Variants in METTL24 observed in about 807,000 individuals in gnomAD.
The protein encoded by METTL24 is probable methyltransferase-like protein 24.
Under a neutral mutation model 32.7 loss-of-function variants are expected in METTL24, and 29 were observed. The observed-to-expected ratio is 0.89, with a 90% CI of 0.66 to 1.21. The LOEUF (loss-of-function observed/expected upper bound fraction) is 1.21, where lower values mean the gene tolerates loss of function less well. Ranked by LOEUF, METTL24 falls within the 50% of genes most tolerant of loss-of-function variation. METTL24 has a pLI of 0.00. For synonymous variants in METTL24, 163 were observed against 179.5 expected, an observed-to-expected ratio of 0.91 and a Z score of 0.73; for missense variants, 439 against 468.1, an observed-to-expected ratio of 0.94 and a Z score of 0.57.
chr6:110,302,454 T>TAC (rs550865266), intron 3 of METTL24, among the ~76,000 whole-genome samples: 941 of 79,564 alleles, frequency 0.012, 76 homozygotes, highest in East Asian at 0.071. Flanking sequence ...TATACACATA[T>TAC]ACACACATAT....
chr6:110,305,159 C>T (rs1771605519), intron 3 of METTL24, among the ~76,000 whole-genome samples: 2 of 152,070 alleles, frequency 1.3e-5, no homozygotes, highest in South Asian at 4.1e-4. Flanking sequence ...CTAAAGGAAG[C>T]ATTAATTAAA....
intron 4 of METTL24, among the ~76,000 whole-genome samples, chr6:110,254,536 A>G (rs917137002): frequency 1.3e-5 from 2 of 152,144 alleles, no homozygotes; most frequent in Non-Finnish European, 2.9e-5. Context: ...GGAGGCTGAG[A>G]CAGGAAAATC....
intron 4 of METTL24, among the ~76,000 whole-genome samples, chr6:110,266,117 C>G (rs990378043): frequency 7.2e-5 from 11 of 151,950 alleles, no homozygotes; most frequent in African/African-American, 2.7e-4. Flanking sequence ...ATTACCCAAG[C>G]TGGTCTTGAA....
intron 4 of METTL24, among the ~76,000 whole-genome samples, chr6:110,262,136 T>C (rs535978892): frequency 9.3e-4 from 141 of 151,926 alleles, no homozygotes; most frequent in African/African-American, 3.3e-3. Flanking sequence ...CTGAAGGAGA[T>C]AGAGATACAA....
intron 4 of METTL24, among the ~76,000 whole-genome samples, chr6:110,260,405 A>C (rs941638286): frequency 6.6e-6 from 1 of 152,214 alleles, no homozygotes; most frequent in Non-Finnish European, 1.5e-5. Flanking sequence ...CGAGAAGAGA[A>C]GTTTAGAGAA....
intron 4 of METTL24, among the ~76,000 whole-genome samples, chr6:110,265,314 T>G (rs963010143): frequency 6.6e-6 from 1 of 152,136 alleles, no homozygotes; most frequent in Non-Finnish European, 1.5e-5. Context: ...TAATACAAAT[T>G]CAGATCCTAT....
At chr6:110,304,639 G>A (rs190982407) in intron 3 of METTL24, among the ~76,000 whole-genome samples, 3 of 152,092 alleles carry the variant, frequency 2.0e-5, no homozygotes, top group Non-Finnish European at 2.9e-5. Flanking sequence ...GAAAAGGAAC[G>A]AACAAAGCCT....
chr6:110,358,294 C>T lies in METTL24; in HGVS notation c.-22G>A. ...CCATGGCGCTACACTCGGGGTCCCG[C>T]GGGCCGCGCCTGGCCGGCAGCAGGG... On this transcript the variant is annotated 5_prime_UTR_variant, in exon 1 of 5. Transcript: ENST00000338882. 8.4e-6 allele frequency: 12 copies of T among 1,431,290 alleles called. No individual in the cohort carries two copies. Among genetic ancestry groups the T allele is most frequent in the Non-Finnish European group, 1.1e-5 (12 of 1,099,306 alleles). The allele number at this position is 1,431,290 out of a possible 1,614,324, so 88.7% of individuals were successfully genotyped here.
chr6:110,348,454 G>A (rs1420525195), intron 1 of METTL24, among the ~76,000 whole-genome samples: 3 of 152,156 alleles, frequency 2.0e-5, no homozygotes, highest in Admixed American at 2.0e-4. Context: ...CGCTACTCCC[G>A]AAACTGCTGA....
intron 1 of METTL24, among the ~76,000 whole-genome samples, chr6:110,351,828 C>G (rs1019924136): frequency 1.3e-5 from 2 of 152,126 alleles, no homozygotes; most frequent in African/African-American, 4.8e-5. Flanking sequence ...GGGAGAAGAT[C>G]AAAGAATTCA....
intron 1 of METTL24, 62 bp from the exon 2 acceptor site, chr6:110,322,934 A>G (rs561614313): frequency 7.4e-7 from 1 of 1,354,402 alleles, no homozygotes; most frequent in African/African-American, 1.4e-5. Context: ...GAGGAGAAGG[A>G]CACAGTATCA....
At chr6:110,312,132 C>T (rs1771734747) in intron 3 of METTL24, among the ~76,000 whole-genome samples, 2 of 152,198 alleles carry the variant, frequency 1.3e-5, no homozygotes, top group African/African-American at 2.4e-5. Context: ...GGAAAATGTA[C>T]ATCAAAACCA....
chr6:110,287,805 G>A (rs931537256), intron 4 of METTL24, among the ~76,000 whole-genome samples: 6 of 152,140 alleles, frequency 3.9e-5, no homozygotes, highest in Non-Finnish European at 7.4e-5. Context: ...ATGGGAATCC[G>A]TACAATAAGG....
chr6:110,335,571 T>G (rs1016637663), intron 1 of METTL24, among the ~76,000 whole-genome samples: 3 of 55,156 alleles, frequency 5.4e-5, no homozygotes, highest in African/African-American at 9.6e-5. Context: ...TCATTGTTTT[T>G]TTTTTTTTTT....
rs1053426264 is a variant in METTL24, at chr6:110,279,835, C to A, written c.786+19087G>T. Among the ~76,000 whole-genome samples the A allele has an allele frequency of 3.9e-5, 6 of 152,054 alleles. No individual in the cohort carries two copies. The South Asian group carries it at 6.2e-4, about 16-fold the overall frequency. On this transcript the variant is annotated intron_variant, in intron 4 of 4. Transcript: ENST00000338882. Reference sequence around the variant, plus strand: ...ATTCTCATGTTGCTCTAAAGAAATACCTGAAACTGCACTGTGTATAAAGAA... The same window carrying A: ...ATTCTCATGTTGCTCTAAAGAAATAACTGAAACTGCACTGTGTATAAAGAA...
In METTL24 at chr6:110,332,542, G is replaced by A. The variant is rs1174603246; in HGVS notation, c.319-9670C>T. The A allele has an allele frequency of 4.2e-6, 4 of 946,790 alleles. No individual in the cohort carries two copies. The East Asian group carries it at 3.5e-4, about 83-fold the overall frequency. 58.6% of individuals were successfully genotyped at this position (946,790 alleles called of 1,614,324 possible). ...TAAAGTTTCAGATGTCAAATTATGG[G>A]TTTCATTGAGGTAGCACATCAACCT... is the stretch of plus-strand genomic sequence containing the variant. On this transcript the variant is annotated intron_variant, in intron 1 of 4. Transcript: ENST00000338882.
At chr6:110,315,304 T>C (rs1771797124) in intron 3 of METTL24, 38 bp downstream of exon 3, 2 of 1,612,064 alleles carry the variant, frequency 1.2e-6, no homozygotes, top group South Asian at 1.1e-5. Flanking sequence ...CCTGAAGCAG[T>C]GTTTGTGTTT....
chr6:110,328,898 T>C (rs561494946), intron 1 of METTL24, among the ~76,000 whole-genome samples: 1 of 152,282 alleles, frequency 6.6e-6, no homozygotes, highest in South Asian at 2.1e-4. Flanking sequence ...ACAGACCATA[T>C]CCTCACACCC....
intron 1 of METTL24, among the ~76,000 whole-genome samples, chr6:110,354,026 T>C (rs1464925282): frequency 6.6e-6 from 1 of 152,208 alleles, no homozygotes; most frequent in African/African-American, 2.4e-5. Context: ...ATGCATAGTA[T>C]GCGAAATTTG....
Sources: allele counts gnomAD v4.1 joint callset (sites outside exome capture counted in the v4.1 genomes callset), GRCh38; gene constraint gnomAD v4.1.1; transcripts MANE v1.5; gene names NCBI Gene and HGNC (gene_info 2026-07-23, HGNC 2026-07-21).